Variants in REN observed in about 807,000 individuals in gnomAD.
The protein encoded by REN is angiotensin-forming enzyme.
In REN, 42 loss-of-function variants were observed where a neutral mutation model predicts 48.6. That is an observed-to-expected ratio of 0.86 (90% confidence interval 0.68 to 1.12). The LOEUF is 1.12. Ranked by LOEUF, REN falls within the 50% of genes most tolerant of loss-of-function variation. The probability of loss-of-function intolerance (pLI) is 0.00; values close to 1 mark genes in which losing one functional copy is unlikely to be tolerated. For synonymous variants in REN, 196 were observed against 204.6 expected (o/e 0.96, Z 0.36); for missense variants, 443 against 527.3 (o/e 0.84, Z 1.57).
rs1209675346 is a variant in REN at position 204,154,968 on chromosome 1, GC to G, written c.*47del. 1 of 1,605,842 alleles carries G rather than the reference GC, an allele frequency of 6.2e-7. No individual in the cohort carries two copies. The highest frequency in any genetic ancestry group is 8.5e-7 in the Non-Finnish European group (1 of 1,175,908). On this transcript the variant is annotated 3_prime_UTR_variant, in exon 10 of 10. Transcript: ENST00000272190. Reference sequence around the variant, plus strand: ...GAGGGGCATCTCAGAGAGTGTTCCAGCTCTGGGCCAGGGCTGAAGGCAGGGC... The same window carrying G: ...GAGGGGCATCTCAGAGAGTGTTCCAGTCTGGGCCAGGGCTGAAGGCAGGGC...
At chr1:204,158,025 C>G (rs1263469248) in intron 5 of REN, among the ~76,000 whole-genome samples, 2 of 152,178 alleles carry the variant, frequency 1.3e-5, no homozygotes, top group African/African-American at 2.4e-5. Flanking sequence ...GCTTCTTCCT[C>G]CACCTACAGG....
rs745340458 is a variant in REN at position 204,161,338 on chromosome 1, A to G, written c.327T>C (p.Asn109=). Residue 109 remains asparagine, a synonymous_variant, in exon 3 of 10, where the codon AAT becomes AAC. Transcript: ENST00000272190. The part of the protein sequence containing the change: ...FKVVFDTGSS[N]VWVPSSKCSR... ...TGCACTTGGAGGAGGGCACCCAAAC[A>G]TTGGACGAACCAGTGTCAAAGACGA... is the stretch of plus-strand genomic sequence containing the variant. 20 of 1,609,192 alleles carry G rather than the reference A, an allele frequency of 1.2e-5. No individual in the cohort carries two copies. In the East Asian group the frequency reaches 1.8e-4, roughly 14 times the overall value.
intron 1 of REN, among the ~76,000 whole-genome samples, chr1:204,162,669 C>T (rs1034365441): frequency 6.6e-6 from 1 of 152,164 alleles, no homozygotes; most frequent in Non-Finnish European, 1.5e-5. Flanking sequence ...CATGGGAGGC[C>T]GCTAGGTGGC....
rs1241348568 is a variant in REN at position 204,159,470 on chromosome 1, G to T, written c.618C>A (p.Val206=). ...MGFIEQAIGR[V]TPIFDNIISQ... is the part of the protein sequence containing the mutation. ...AGATGATGTTGTCGAAGATAGGGGT[G>T]ACCCTGCCAATGGCCTGTTCAATGA... is the stretch of plus-strand genomic sequence containing the variant. The change falls in exon 5 of 10, where the codon GTC becomes GTA. Residue 206 remains valine (V), a synonymous_variant. Transcript: ENST00000272190. 1 of 1,614,032 alleles carries T rather than the reference G, an allele frequency of 6.2e-7. No homozygotes were observed. The highest frequency in any genetic ancestry group is 8.5e-7 in the Non-Finnish European group (1 of 1,180,024).
At position 204,163,593 on chromosome 1, in the gene REN, C is replaced by G. The variant is rs11571102; in HGVS notation, c.99-1430G>C. ...ATCCTTTCCTTCTTCCCTTCCTTTTCCCCCCAGTTCTTTAGTCCTCCAAGG... is the reference window on the plus strand; with the variant it reads ...ATCCTTTCCTTCTTCCCTTCCTTTTGCCCCCAGTTCTTTAGTCCTCCAAGG... On this transcript the variant is annotated intron_variant, in intron 1 of 9. Coordinates refer to ENST00000272190, the MANE Select transcript of REN (RefSeq NM_000537.4). Among the ~76,000 whole-genome samples, 1,408 of 152,170 alleles carry G rather than the reference C, an allele frequency of 9.3e-3. 17 individuals carry two copies. The highest frequency in any genetic ancestry group is 0.032 in the African/African-American group (1,342 of 41,502).
At chr1:204,158,411 C>CTTTT (rs576572389) in intron 5 of REN, among the ~76,000 whole-genome samples, 42 of 97,220 alleles carry the variant, frequency 4.3e-4, no homozygotes, top group Non-Finnish European at 4.7e-4. Flanking sequence ...ACCCTTGTGA[C>CTTTT]TTTTTTTTTT....
rs1658142984 is a variant in REN, at chr1:204,156,063, A to G, written c.960+115T>C. On this transcript the variant is annotated intron_variant, in intron 8 of 9. Transcript: ENST00000272190. This position sits in a 1 kb window ranked among gnomAD's most constrained non-coding sequence, Gnocchi z 4.2. ...TGGGTGACCAGCCACATGTGTGGAG[A>G]GTGTGAGGTGAACAAGCGAAGGCCT... 4.6e-6 allele frequency: 7 copies of G among 1,514,934 alleles called. No individual in the cohort carries two copies. The highest frequency in any genetic ancestry group is 6.4e-6 in the Non-Finnish European group (7 of 1,092,390). The allele number at this position is 1,514,934 out of a possible 1,614,324, so 93.8% of individuals were successfully genotyped here. A position where few individuals can be genotyped will look rare whatever the true frequency, so the allele number is the denominator to read the frequency against.
chr1:204,163,369 C>G (rs1053155843), intron 1 of REN, among the ~76,000 whole-genome samples: 5 of 152,190 alleles, frequency 3.3e-5, no homozygotes, highest in African/African-American at 1.2e-4. Context: ...ATCTTCCTAT[C>G]ACAGGTTACT....
Position 204,156,406 on chromosome 1 carries a change from G to C in REN, c.819-87C>G. The C allele has an allele frequency of 1.5e-6, 2 of 1,369,068 alleles. No individual in the cohort carries two copies. The highest frequency in any genetic ancestry group is 5.3e-5 in the East Asian group (2 of 37,552). 84.8% of individuals were successfully genotyped at this position (1,369,068 alleles called of 1,614,324 possible). On this transcript the variant is annotated intron_variant, in intron 7 of 9. Coordinates refer to ENST00000272190, the MANE Select transcript of REN (RefSeq NM_000537.4). The surrounding 1 kb of genome is among the most constrained non-coding windows in gnomAD (Gnocchi z 4.2). ...TCCAGGCTGCATGTCCTTCCTGAGT[G>C]TGGGTGGGTGGGTGGAGGCCACGCT...
At chr1:204,159,092 A>AT (rs112591036) in intron 5 of REN, among the ~76,000 whole-genome samples, 4 of 152,286 alleles carry the variant, frequency 2.6e-5, no homozygotes, top group African/African-American at 7.2e-5. Context: ...ATGTCCTGTC[A>AT]TGCTGGGAAT....
In REN at chr1:204,157,035, C is replaced by T. The variant is rs74863914; in HGVS notation, c.699-239G>A. On this transcript the variant is annotated intron_variant, in intron 6 of 9. Transcript: ENST00000272190. ...GTTGTTCCAGGGTAGTCCAGCTGTT[C>T]CCCCAAAAAGCATCCCCAGAGAGGT... is the stretch of plus-strand genomic sequence containing the variant. Among the ~76,000 whole-genome samples, 1,497 of 152,294 alleles carry T rather than the reference C, an allele frequency of 9.8e-3. 10 individuals are homozygous for T. The highest frequency in any genetic ancestry group is 0.017 in the Middle Eastern group (5 of 294).
chr1:204,164,319 C>T (rs11571100), intron 1 of REN, among the ~76,000 whole-genome samples: 45 of 152,270 alleles, frequency 3.0e-4, no homozygotes, highest in African/African-American at 1.0e-3. Flanking sequence ...TACATATCAC[C>T]TCCCTGAGCC....
In REN at chr1:204,156,238, A is replaced by G; in HGVS notation, c.900T>C (p.Gly300=). 6.2e-7 allele frequency: 1 copy of G among 1,614,172 alleles called. No individual in the cohort carries two copies. The highest frequency in any genetic ancestry group is 8.5e-7 in the Non-Finnish European group (1 of 1,180,020). Residue 300 remains glycine, a synonymous_variant, in exon 8 of 10, where the codon GGT becomes GGC. Coordinates refer to ENST00000272190, the MANE Select transcript of REN (RefSeq NM_000537.4). The surrounding 1 kb of genome is among the most constrained non-coding windows in gnomAD (Gnocchi z 4.2). ...LVDTGASYIS[G]STSSIEKLME... Reference sequence around the variant, plus strand: ...TGAGCTTCTCTATGGAGCTGGTAGAACCTGAGATGTAGGATGCACCGGTGT... The same window carrying G: ...TGAGCTTCTCTATGGAGCTGGTAGAGCCTGAGATGTAGGATGCACCGGTGT...
In REN at chr1:204,165,773, G is replaced by T. The variant is rs192186879; in HGVS notation, c.98+423C>A. On this transcript the variant is annotated intron_variant, in intron 1 of 9. Transcript: ENST00000272190. ...TGCCCGGCTAATTTTTGTATTTTTA[G>T]TAGAGATGGGGTTTCCCCATGTTGG... Among the ~76,000 whole-genome samples, 527 of 152,198 alleles carry T rather than the reference G, an allele frequency of 3.5e-3. 3 individuals carry two copies. The highest frequency in any genetic ancestry group is 5.5e-3 in the Non-Finnish European group (375 of 68,008).
At chr1:204,162,243 T>C (rs1489900357) in intron 1 of REN, 80 bp from the exon 2 acceptor site, 1 of 1,503,054 alleles carries the variant, frequency 6.7e-7, no homozygotes, top group Non-Finnish European at 9.2e-7. Context: ...GCCAAACCCC[T>C]GCTTTTAGTA....
intron 1 of REN, among the ~76,000 whole-genome samples, chr1:204,164,969 T>C (rs964320980): frequency 1.3e-5 from 2 of 151,948 alleles, no homozygotes; most frequent in African/African-American, 2.4e-5. Context: ...AGCCTTGTTT[T>C]TTTCTTTCTT....
Position 204,156,654 on chromosome 1 carries a change from G to A in REN, c.818+23C>T, listed in dbSNP as rs761470458. 111 of 1,487,610 alleles carry A rather than the reference G, an allele frequency of 7.5e-5. No individual in the cohort carries two copies. The highest frequency in any genetic ancestry group is 2.7e-4 in the Admixed American group (15 of 55,934). The allele number at this position is 1,487,610 out of a possible 1,614,324, so 92.2% of individuals were successfully genotyped here. ...GTGACGGCAGCATTTTTTGGAGCCCGGGGAGGGTTGAGGATTTCTGACCCC... is the reference window on the plus strand; with the variant it reads ...GTGACGGCAGCATTTTTTGGAGCCCAGGGAGGGTTGAGGATTTCTGACCCC... On this transcript the variant is annotated intron_variant, in intron 7 of 9. Transcript: ENST00000272190. The surrounding 1 kb of genome is among the most constrained non-coding windows in gnomAD (Gnocchi z 4.2).
At chr1:204,158,151 TACA>T in intron 5 of REN, among the ~76,000 whole-genome samples, 1 of 129,566 alleles carries the variant, frequency 7.7e-6, no homozygotes, top group Non-Finnish European at 1.6e-5. Flanking sequence ...CAGGGCAGCC[TACA>T]TCTCATGACC....
chr1:204,160,446 C>T (rs1380125277), intron 4 of REN, 114 bp downstream of exon 4: 1 of 783,220 alleles, frequency 1.3e-6, no homozygotes, highest in East Asian at 2.5e-5. Context: ...CTCAGCTCCC[C>T]AGGCTCCAAG....
Sources: gnomAD v4.1 joint callset for allele counts (sites outside exome capture counted in the v4.1 genomes callset) on GRCh38, gnomAD v4.1.1 for gene constraint, Gnocchi (gnomAD v3.1) non-coding constraint, MANE v1.5 for transcripts, NCBI Gene and HGNC (gene_info 2026-07-23, HGNC 2026-07-21) for gene names.